FAM185A: variants seen among roughly 807,000 people sequenced by gnomAD.
FAM185A encodes the protein protein FAM185A.
Under a neutral mutation model 45.7 loss-of-function variants are expected in FAM185A, and 21 were observed. The ratio of observed to expected loss-of-function variants is 0.46; its 90% CI spans 0.33 to 0.66. The LOEUF (loss-of-function observed/expected upper bound fraction) is 0.66, where lower values mean the gene tolerates loss of function less well. Ranked by LOEUF, FAM185A falls within the 30% of genes least tolerant of loss-of-function variation. The probability of loss-of-function intolerance (pLI) is 0.03; values close to 1 mark genes in which losing one functional copy is unlikely to be tolerated. For missense variants in FAM185A, 305 were observed against 485.4 expected, an observed-to-expected ratio of 0.63 and a Z score of 3.49; for synonymous variants, 117 against 194.0, an observed-to-expected ratio of 0.60 and a Z score of 3.30.
At position 102,749,501 on chromosome 7, in the gene FAM185A, C is replaced by T; in HGVS notation, c.294C>T (p.Gly98=). ...TGGACCCCCTCACCTACCCGGATGG[C>T]GACCGCGTGCTGGTCGCGGTGTGCG... ...RPLDPLTYPD[G]DRVLVAVCGV... is the part of the protein sequence containing the mutation. The change falls in exon 1 of 8, where the codon GGC becomes GGT. Residue 98 remains glycine (G), a synonymous_variant. Coordinates refer to ENST00000413034, the MANE Select transcript of FAM185A (RefSeq NM_001145268.2). 1 of 1,527,546 alleles carries T rather than the reference C, an allele frequency of 6.5e-7. No homozygotes were observed. The highest frequency in any genetic ancestry group is 1.3e-5 in the South Asian group (1 of 79,998). 94.6% of individuals were successfully genotyped at this position (1,527,546 alleles called of 1,614,324 possible). A position where few individuals can be genotyped will look rare whatever the true frequency, so the allele number is the denominator to read the frequency against.
At chr7:102,781,404 A>G (rs559714483) in intron 6 of FAM185A, among the ~76,000 whole-genome samples, 68 of 152,186 alleles carry the variant, frequency 4.5e-4, no homozygotes, top group Non-Finnish European at 8.1e-4. Context: ...ACTGGGAGGT[A>G]TCCCCCAGTA....
At chr7:102,805,680 A>G (rs531591759) in intron 7 of FAM185A, among the ~76,000 whole-genome samples, 4 of 152,214 alleles carry the variant, frequency 2.6e-5, no homozygotes, top group African/African-American at 9.6e-5. Context: ...TAAACTATGG[A>G]AAAAAATTAA....
chr7:102,838,890 G>A, the FAM185A span, among the ~76,000 whole-genome samples: 2 of 152,120 alleles, frequency 1.3e-5, no homozygotes. Context: ...CTCGTGGGAT[G>A]GCAAAGACCT....
At chr7:102,814,815 T>C in the FAM185A span, among the ~76,000 whole-genome samples, 16 of 152,360 alleles carry the variant, frequency 1.1e-4, no homozygotes, top group African/African-American at 3.4e-4. Context: ...ATTCTGTTAA[T>C]TTTTTAAATC....
chr7:102,813,311 ATTTTTTGTTCTTCCTGC>A, downstream of FAM185A: 1 of 1,564,192 alleles, frequency 6.4e-7, no homozygotes, highest in Non-Finnish European at 8.6e-7. Flanking sequence ...CAAGTTCTTG[ATTTTTTGTTCTTCCTGC>A]TTGAGGCTGA....
At chr7:102,753,495 T>C (rs983452372) in intron 2 of FAM185A, among the ~76,000 whole-genome samples, 11 of 152,154 alleles carry the variant, frequency 7.2e-5, no homozygotes, top group African/African-American at 2.7e-4. Context: ...TTGTGCAGTA[T>C]AGGATATTTA....
chr7:102,759,077 T>C (rs1344286514), intron 3 of FAM185A, among the ~76,000 whole-genome samples: 1 of 152,102 alleles, frequency 6.6e-6, no homozygotes, highest in Non-Finnish European at 1.5e-5. Flanking sequence ...TGTGTGGCCT[T>C]ATGCTGCAGC....
the FAM185A span, among the ~76,000 whole-genome samples, chr7:102,829,010 G>A: frequency 4.3e-4 from 66 of 152,236 alleles, no homozygotes; most frequent in African/African-American, 1.5e-3. Context: ...GAGGATAGGG[G>A]GTACTGACTG....
intron 7 of FAM185A, among the ~76,000 whole-genome samples, chr7:102,790,302 G>A (rs1279320170): frequency 6.6e-6 from 1 of 152,132 alleles, no homozygotes; most frequent in Non-Finnish European, 1.5e-5. Flanking sequence ...GGATGGCTAC[G>A]AAGTCACTAG....
the FAM185A span, among the ~76,000 whole-genome samples, chr7:102,824,098 T>C: frequency 1.6e-3 from 249 of 152,332 alleles, 1 homozygote; most frequent in African/African-American, 5.5e-3. Flanking sequence ...TGTAGATCAG[T>C]AGCTCATGTT....
the FAM185A span, among the ~76,000 whole-genome samples, chr7:102,825,588 CA>C: frequency 6.6e-6 from 1 of 152,126 alleles, no homozygotes; most frequent in Non-Finnish European, 1.5e-5. Flanking sequence ...AGGGTATGAC[CA>C]CTTTTGTGGC....
intron 2 of FAM185A, among the ~76,000 whole-genome samples, chr7:102,756,299 A>G (rs1793730167): frequency 2.0e-5 from 3 of 152,204 alleles, no homozygotes; most frequent in Admixed American, 2.0e-4. Flanking sequence ...AGTGATCCAT[A>G]TCTCTTTATG....
the FAM185A span, among the ~76,000 whole-genome samples, chr7:102,833,140 TTATA>T: frequency 1.3e-5 from 2 of 152,216 alleles, no homozygotes; most frequent in Non-Finnish European, 2.9e-5. Flanking sequence ...CAACATCTGT[TTATA>T]GCAAAAGATA....
chr7:102,765,703 T>C (rs1339846125), intron 4 of FAM185A, among the ~76,000 whole-genome samples: 2 of 152,164 alleles, frequency 1.3e-5, no homozygotes, highest in African/African-American at 4.8e-5. Flanking sequence ...AGAAACTGAG[T>C]AAGCTAATTG....
At chr7:102,807,929 C>T (rs1027641854) in intron 7 of FAM185A, among the ~76,000 whole-genome samples, 5 of 152,180 alleles carry the variant, frequency 3.3e-5, no homozygotes, top group East Asian at 1.9e-4. Context: ...GGCATGGTGG[C>T]GCGTGCCTGT....
chr7:102,845,571 C>T, the FAM185A span, among the ~76,000 whole-genome samples: 1 of 152,196 alleles, frequency 6.6e-6, no homozygotes, highest in Non-Finnish European at 1.5e-5. Flanking sequence ...GATGCATGGA[C>T]ATCGTCTTTA....
the FAM185A span, among the ~76,000 whole-genome samples, chr7:102,833,696 T>C: frequency 3.3e-5 from 5 of 152,094 alleles, no homozygotes; most frequent in African/African-American, 1.2e-4. Context: ...GTGCTGGGAT[T>C]ATAGGCATGA....
the FAM185A span, among the ~76,000 whole-genome samples, chr7:102,824,588 C>T: frequency 2.6e-5 from 4 of 152,036 alleles, no homozygotes; most frequent in Admixed American, 2.0e-4. Context: ...CAGGTTCAAA[C>T]AATTCTCCCA....
At chr7:102,811,144 C>T (rs572755242), downstream of FAM185A, among the ~76,000 whole-genome samples, 1 of 152,240 alleles carries the variant, frequency 6.6e-6, no homozygotes, top group Non-Finnish European at 1.5e-5. Context: ...ATTACATAAA[C>T]ATTTTCATGA....
Sources: allele counts gnomAD v4.1 joint callset (sites outside exome capture counted in the v4.1 genomes callset), GRCh38; gene constraint gnomAD v4.1.1; transcripts MANE v1.5; gene names NCBI Gene and HGNC (gene_info 2026-07-23, HGNC 2026-07-21).